PLCH1: variants seen among roughly 807,000 people sequenced by gnomAD.
PLCH1 encodes phospholipase C eta 1, also known as 1-phosphatidylinositol 4,5-bisphosphate phosphodiesterase eta-1.
A neutral mutation model predicts 126.7 loss-of-function variants in PLCH1; 60 were observed. The observed-to-expected ratio is 0.47, with a 90% CI of 0.38 to 0.59. The LOEUF is 0.59. Among genes scored for constraint, PLCH1 ranks in the 20% least tolerant of loss-of-function variants. The probability of loss-of-function intolerance (pLI) is 0.00; values close to 1 mark genes in which losing one functional copy is unlikely to be tolerated. For missense variants in PLCH1, 1,723 were observed against 2,040.0 expected, an observed-to-expected ratio of 0.84 and a Z score of 2.99; for synonymous variants, 719 against 734.9, an observed-to-expected ratio of 0.98 and a Z score of 0.35.
intron 2 of PLCH1, among the ~76,000 whole-genome samples, chr3:155,626,801 G>GAAAAAAAAAAAAAAAAAAAAAAAAA (rs1737355762): frequency 7.9e-6 from 1 of 126,410 alleles, no homozygotes; most frequent in Admixed American, 7.9e-5. Context: ...AAAAAAAAAG[G>GAAAAAAAAAAAAAAAAAAAAAAAAA]AAAAAGATGA....
At chr3:155,641,187 T>G (rs1166554350) in intron 2 of PLCH1, among the ~76,000 whole-genome samples, 4 of 151,418 alleles carry the variant, frequency 2.6e-5, no homozygotes, top group Non-Finnish European at 4.4e-5. Context: ...ATACTGATTT[T>G]CAACGTTAAA....
At chr3:155,510,200 T>A (rs1304622717) in intron 12 of PLCH1, among the ~76,000 whole-genome samples, 7 of 109,938 alleles carry the variant, frequency 6.4e-5, no homozygotes, top group African/African-American at 2.7e-4. Flanking sequence ...TTGTTTTCCA[T>A]TGGCTTGGTG....
At chr3:155,655,650 T>C (rs1284801421) in intron 2 of PLCH1, among the ~76,000 whole-genome samples, 6 of 152,230 alleles carry the variant, frequency 3.9e-5, no homozygotes, top group Admixed American at 2.6e-4. Context: ...AACTTCCATG[T>C]ACATATAAGT....
At chr3:155,575,637 C>T (rs780000389) in intron 6 of PLCH1, among the ~76,000 whole-genome samples, 7 of 152,122 alleles carry the variant, frequency 4.6e-5, no homozygotes, top group Non-Finnish European at 1.0e-4. Context: ...AGCCTTTGCT[C>T]TTAGATAACA....
At chr3:155,664,799 T>C (rs551088367) in intron 2 of PLCH1, among the ~76,000 whole-genome samples, 1 of 152,334 alleles carries the variant, frequency 6.6e-6, no homozygotes, top group South Asian at 2.1e-4. Flanking sequence ...CCCTTTAAAA[T>C]AGGTAGGTCT....
chr3:155,481,372 C>T lies in PLCH1; in HGVS notation c.4654G>A (p.Val1552Met). 1.2e-6 allele frequency: 2 copies of T among 1,614,220 alleles called. No homozygotes were observed. Among genetic ancestry groups the T allele is most frequent in the Non-Finnish European group, 1.7e-6 (2 of 1,180,036 alleles). ...VSFDQEDNCQVLYSKQDANQL... is the reference protein window; with the variant it reads ...VSFDQEDNCQMLYSKQDANQL... ...TTGGCATCCTGCTTTGAATATAGCA[C>T]TTGGCAGTTGTCTTCCTGGTCAAAG... Residue 1552 changes from valine (V) to methionine (M), a missense_variant, in exon 23 of 23, where the codon GTG becomes ATG. Val to Met is a conservative substitution (Grantham distance 21). Coordinates refer to ENST00000460012, the MANE Select transcript of PLCH1 (RefSeq NM_014996.4). The surrounding 1 kb of genome is among the most constrained non-coding windows in gnomAD (Gnocchi z 4.2).
chr3:155,666,199 G>A (rs1305169114), intron 2 of PLCH1, among the ~76,000 whole-genome samples: 1 of 152,196 alleles, frequency 6.6e-6, no homozygotes, highest in Non-Finnish European at 1.5e-5. Context: ...TTTTTCTACT[G>A]TCAAATTGCC....
In PLCH1 at chr3:155,597,409, G is replaced by A. The variant is rs182807143; in HGVS notation, c.80-1031C>T. Among the ~76,000 whole-genome samples the A allele has an allele frequency of 5.9e-5, 9 of 152,292 alleles. No homozygotes were observed. The East Asian group carries it at 1.7e-3, about 29-fold the overall frequency. On this transcript the variant is annotated intron_variant, in intron 2 of 22. Transcript: ENST00000460012. ...TCCCATTTTCCCCTTGATTCTGCAAGTTATCCAGTACCCTTCCAAATATTT... is the reference window on the plus strand; with the variant it reads ...TCCCATTTTCCCCTTGATTCTGCAAATTATCCAGTACCCTTCCAAATATTT...
Position 155,456,240 on chromosome 3 carries a change from G to T in PLCH1, c.2938+29116C>A, listed in dbSNP as rs982758901. Among the ~76,000 whole-genome samples the T allele has an allele frequency of 4.0e-5, 6 of 151,350 alleles. 1 individual carries two copies. The highest frequency in any genetic ancestry group is 5.9e-5 in the Non-Finnish European group (4 of 67,946). On this transcript the variant is annotated intron_variant, in intron 21 of 21. Transcript: ENST00000494598. Reference sequence around the variant, plus strand: ...TTCTGATCATCATTTAAATAGGGGTGTCCAATCTTTTGGCTTCCCTGGGCC... The same window carrying T: ...TTCTGATCATCATTTAAATAGGGGTTTCCAATCTTTTGGCTTCCCTGGGCC...
chr3:155,523,292 A>G (rs558291556), intron 11 of PLCH1, among the ~76,000 whole-genome samples: 6 of 151,660 alleles, frequency 4.0e-5, no homozygotes, highest in Non-Finnish European at 7.4e-5. Context: ...ATGCTTTTCT[A>G]CAAAGGAGGC....
chr3:155,561,597 T>C (rs2108499242), intron 8 of PLCH1, among the ~76,000 whole-genome samples: 1 of 152,148 alleles, frequency 6.6e-6, no homozygotes, highest in South Asian at 2.1e-4. Context: ...TAAACATACG[T>C]GTGCATGTGT....
At chr3:155,701,102 G>A (rs376482470) in intron 2 of PLCH1, among the ~76,000 whole-genome samples, 7 of 152,198 alleles carry the variant, frequency 4.6e-5, no homozygotes, top group Middle Eastern at 6.8e-3. Flanking sequence ...GTTCATTTCC[G>A]TTAAGCACTA....
intron 21 of PLCH1, among the ~76,000 whole-genome samples, chr3:155,462,817 C>A (rs553910791): frequency 2.8e-4 from 42 of 152,314 alleles, no homozygotes; most frequent in African/African-American, 9.6e-4. Flanking sequence ...ACATGCAGCC[C>A]CAGCTGGCAT....
intron 2 of PLCH1, among the ~76,000 whole-genome samples, chr3:155,640,956 T>G (rs945743660): frequency 1.3e-5 from 2 of 152,296 alleles, no homozygotes; most frequent in East Asian, 3.9e-4. Context: ...ACATTTGTGG[T>G]AGCAGATATT....
chr3:155,644,704 A>G (rs547489607), intron 2 of PLCH1, among the ~76,000 whole-genome samples: 1 of 152,370 alleles, frequency 6.6e-6, no homozygotes, highest in South Asian at 2.1e-4. Flanking sequence ...AGAATTTCCA[A>G]GAAAGGAAAT....
chr3:155,605,530 A>G (rs1577120851), intron 2 of PLCH1, among the ~76,000 whole-genome samples: 2 of 152,358 alleles, frequency 1.3e-5, no homozygotes, highest in Admixed American at 1.3e-4. Flanking sequence ...AAAGGTTTAA[A>G]TTAAAAGAAG....
At chr3:155,564,407 C>CA (rs557587543) in intron 8 of PLCH1, among the ~76,000 whole-genome samples, 13 of 151,510 alleles carry the variant, frequency 8.6e-5, no homozygotes, top group African/African-American at 1.7e-4. Flanking sequence ...ACTAAAAATA[C>CA]AAAAAAAATT....
At chr3:155,658,000 A>G (rs1741635502) in intron 2 of PLCH1, 1 of 167,712 alleles carries the variant, frequency 6.0e-6, no homozygotes, top group Non-Finnish European at 1.3e-5. Flanking sequence ...GGTACTCGCC[A>G]CTAAATTCAA....
intron 2 of PLCH1, among the ~76,000 whole-genome samples, chr3:155,675,528 T>A (rs184786870): frequency 6.6e-6 from 1 of 152,334 alleles, no homozygotes; most frequent in African/African-American, 2.4e-5. Context: ...TTACTATCCC[T>A]GACTAGTTTT....
Sources: allele counts gnomAD v4.1 joint callset (sites outside exome capture counted in the v4.1 genomes callset), GRCh38; gene constraint gnomAD v4.1.1; non-coding constraint Gnocchi (gnomAD v3.1); transcripts MANE v1.5; gene names NCBI Gene and HGNC (gene_info 2026-07-23, HGNC 2026-07-21).